UNC80: variants seen among roughly 807,000 people sequenced by gnomAD.
UNC80 encodes the protein protein unc-80 homolog.
A neutral mutation model predicts 384.6 loss-of-function variants in UNC80; 164 were observed. That is an observed-to-expected ratio of 0.43 (90% CI 0.38 to 0.49). The LOEUF (loss-of-function observed/expected upper bound fraction) is 0.49. Among genes scored for constraint, UNC80 ranks in the 20% least tolerant of loss-of-function variants. The pLI is 0.00. For missense variants in UNC80, 3,330 were observed against 4,143.0 expected (o/e 0.80, Z 5.39); for synonymous variants, 1,486 against 1,527.8 (o/e 0.97, Z 0.64).
chr2:209,808,805 T>A, intron 7 of UNC80: 1 of 352,270 alleles, frequency 2.8e-6, no homozygotes, highest in Non-Finnish European at 5.5e-6. Context: ...TCTGCCACCA[T>A]GCCGCGCTCT....
chr2:209,793,901 A>T, intron 7 of UNC80, 42 bp downstream of exon 7: 2 of 1,607,398 alleles, frequency 1.2e-6, no homozygotes, highest in Non-Finnish European at 1.7e-6. Flanking sequence ...GTCACTGGTC[A>T]CCAAAAATCA....
intron 48 of UNC80, among the ~76,000 whole-genome samples, chr2:209,955,140 G>T (rs2092351360): frequency 6.6e-6 from 1 of 152,024 alleles, no homozygotes; most frequent in Admixed American, 6.6e-5. Flanking sequence ...TAGTGTCTTT[G>T]CTCCTCCATT....
At chr2:209,914,325 A>G (rs1376155335) in intron 31 of UNC80, among the ~76,000 whole-genome samples, 4 of 152,226 alleles carry the variant, frequency 2.6e-5, no homozygotes, top group Non-Finnish European at 5.9e-5. Context: ...TTCTGTGTCC[A>G]AAAGGTAATA....
chr2:209,934,050 T>C (rs761964458), intron 39 of UNC80, 45 bp downstream of exon 39: 5 of 1,467,188 alleles, frequency 3.4e-6, no homozygotes, highest in Non-Finnish European at 3.6e-6. Flanking sequence ...AAAAAAAAAT[T>C]ATAAATAGCC....
At chr2:209,899,715 G>C (rs1574940156) in intron 28 of UNC80, among the ~76,000 whole-genome samples, 1 of 152,072 alleles carries the variant, frequency 6.6e-6, no homozygotes, top group African/African-American at 2.4e-5. Flanking sequence ...ATGTCACAGG[G>C]CCTCTCATTC....
In UNC80 at chr2:209,842,440, C is replaced by A. The variant is rs981095852; in HGVS notation, c.3448C>A (p.Arg1150Ser). 1.3e-6 allele frequency: 2 copies of A among 1,547,870 alleles called. No homozygotes were observed. Among genetic ancestry groups the A allele is most frequent in the African/African-American group, 1.4e-5 (1 of 73,020 alleles). The change falls in exon 21 of 65, where the codon CGT becomes AGT. Residue 1150 changes from arginine (R) to serine (S), a missense_variant. By Grantham distance (110) the Arg-to-Ser change is moderately radical. Transcript: ENST00000673920. Reference sequence around the variant, plus strand: ...AGATGAAGAGGAGAATTTCTTCAAGCGTCTTGGTAAATGTCATGCATCCTA... The same window carrying A: ...AGATGAAGAGGAGAATTTCTTCAAGAGTCTTGGTAAATGTCATGCATCCTA... The part of the protein sequence containing the change: ...GRDEEENFFK[R>S]LGCHSFDDHL...
At chr2:209,921,785 GC>G in intron 34 of UNC80, 99 bp downstream of exon 34, 2 of 1,292,116 alleles carry the variant, frequency 1.5e-6, no homozygotes, top group Non-Finnish European at 1.0e-6. Flanking sequence ...GAGGTGATAT[GC>G]CCCCTTCCAT....
Position 209,826,020 on chromosome 2 carries a change from A to T in UNC80, c.2445A>T (p.Gly815=), listed in dbSNP as rs1295534690. 1 of 1,550,022 alleles carries T rather than the reference A, an allele frequency of 6.5e-7. No individual in the cohort carries two copies. The highest frequency in any genetic ancestry group is 2.0e-5 in the Admixed American group (1 of 50,770). The change falls in exon 14 of 65, where the codon GGA becomes GGT. Residue 815 remains glycine (G), a synonymous_variant. Coordinates refer to ENST00000673920, the MANE Select transcript of UNC80 (RefSeq NM_001371986.1). The part of the protein sequence containing the change: ...GCGEGHRGLS[G]DRLRHQVFRE... ...GTGAAGGACACCGAGGGCTCTCTGG[A>T]GATCGTCTGAGACACCAGGTATTCC...
At chr2:209,911,461 A>G (rs1184846513) in intron 29 of UNC80, among the ~76,000 whole-genome samples, 1 of 152,170 alleles carries the variant, frequency 6.6e-6, no homozygotes, top group East Asian at 1.9e-4. Flanking sequence ...GTTTTGAAGT[A>G]GGTTCATTTT....
chr2:209,814,820 T>A (rs778913518), intron 8 of UNC80, among the ~76,000 whole-genome samples: 5 of 152,128 alleles, frequency 3.3e-5, no homozygotes, highest in Non-Finnish European at 2.9e-5. Flanking sequence ...ATTGGCTGAG[T>A]CTGAAATTTT....
At chr2:209,993,280 C>G in intron 62 of UNC80, 35 bp from the exon 63 acceptor site, 1 of 1,503,164 alleles carries the variant, frequency 6.7e-7, no homozygotes, top group Non-Finnish European at 9.0e-7. Flanking sequence ...GCAGTTAGAC[C>G]CTCTTGCAAG....
intron 38 of UNC80, among the ~76,000 whole-genome samples, chr2:209,931,568 A>G (rs1459306849): frequency 2.0e-5 from 3 of 152,296 alleles, no homozygotes; most frequent in East Asian, 3.9e-4. Context: ...CCAGATGAAT[A>G]TGCAGTTTGG....
chr2:209,814,247 T>G (rs2079567034), intron 8 of UNC80, among the ~76,000 whole-genome samples: 3 of 152,128 alleles, frequency 2.0e-5, no homozygotes, highest in African/African-American at 7.2e-5. Flanking sequence ...GTGTCTTTTT[T>G]TTTTTTGAGA....
chr2:209,868,335 A>G (rs998876301), intron 22 of UNC80, among the ~76,000 whole-genome samples: 1 of 152,184 alleles, frequency 6.6e-6, no homozygotes, highest in Non-Finnish European at 1.5e-5. Flanking sequence ...CCCACATAAA[A>G]TATTTAGTCT....
chr2:209,887,544 T>A (rs1574895197), intron 25 of UNC80, among the ~76,000 whole-genome samples: 1 of 152,202 alleles, frequency 6.6e-6, no homozygotes, highest in East Asian at 1.9e-4. Context: ...AGGCAACATA[T>A]TCACAGGTCC....
intron 44 of UNC80, 94 bp from the exon 45 acceptor site, chr2:209,943,285 TC>T: frequency 6.9e-7 from 1 of 1,445,210 alleles, no homozygotes; most frequent in Non-Finnish European, 9.2e-7. Context: ...GTTAGCCATT[TC>T]CCTCCAAGCT....
At chr2:209,876,153 T>G (rs1229490109) in intron 23 of UNC80, among the ~76,000 whole-genome samples, 1 of 152,156 alleles carries the variant, frequency 6.6e-6, no homozygotes, top group African/African-American at 2.4e-5. Flanking sequence ...GTAAGCTCGT[T>G]GAGAGGAAGA....
At chr2:209,938,676 G>GTC (rs10555565) in intron 42 of UNC80, among the ~76,000 whole-genome samples, 1,867 of 137,416 alleles carry the variant, frequency 0.014, 25 homozygotes, top group African/African-American at 0.03. Context: ...CCTAGTCTCT[G>GTC]TCTCTCTCTC....
chr2:209,879,177 A>G (rs913943116), intron 24 of UNC80, among the ~76,000 whole-genome samples: 4 of 152,134 alleles, frequency 2.6e-5, no homozygotes, highest in Non-Finnish European at 5.9e-5. Context: ...GTTGGCCCCA[A>G]AGATATCTAA....
Sources: gnomAD v4.1 joint callset for allele counts (sites outside exome capture counted in the v4.1 genomes callset) on GRCh38, gnomAD v4.1.1 for gene constraint, MANE v1.5 for transcripts, NCBI Gene and HGNC (gene_info 2026-07-23, HGNC 2026-07-21) for gene names.